Variants in GPC6 observed in about 807,000 individuals in gnomAD.
GPC6 encodes the protein glypican-6.
GPC6 carries 14 observed loss-of-function variants against 55.2 expected under a neutral mutation model. The ratio of observed to expected loss-of-function variants is 0.25; its 90% CI spans 0.17 to 0.40. GPC6 has a LOEUF of 0.40. GPC6 is among the 10% of genes least tolerant of loss of function. The probability of loss-of-function intolerance (pLI) is 1.00; values close to 1 mark genes in which losing one functional copy is unlikely to be tolerated. For missense variants in GPC6, 641 were observed against 708.5 expected, an observed-to-expected ratio of 0.90 and a Z score of 1.08; for synonymous variants, 278 against 259.6, an observed-to-expected ratio of 1.07 and a Z score of -0.68.
At chr13:93,525,087 G>A (rs1291902437) in intron 1 of GPC6, among the ~76,000 whole-genome samples, 2 of 152,052 alleles carry the variant, frequency 1.3e-5, no homozygotes, top group Admixed American at 6.6e-5. Context: ...CATGGAAGCT[G>A]CAAGCATGGC....
chr13:93,547,104 G>C (rs188703222), intron 2 of GPC6, among the ~76,000 whole-genome samples: 1,525 of 151,932 alleles, frequency 0.01, 22 homozygotes, highest in African/African-American at 0.029. Flanking sequence ...GCTGAGGCGG[G>C]TGGATCATGA....
chr13:93,464,833 T>C lies in GPC6; in HGVS notation c.161-80430T>C, dbSNP rs554605659. On this transcript the variant is annotated intron_variant, in intron 1 of 8. Coordinates refer to ENST00000377047, the MANE Select transcript of GPC6 (RefSeq NM_005708.5). ...CAGATCCATCAGAGGAATCACTATCTATGGAAGTTATAGCCTTATGAAATG... is the reference window on the plus strand; with the variant it reads ...CAGATCCATCAGAGGAATCACTATCCATGGAAGTTATAGCCTTATGAAATG... 2.0e-5 allele frequency among the ~76,000 whole-genome samples: 3 copies of C among 152,320 alleles called. No individual in the cohort carries two copies. The East Asian group carries it at 5.8e-4, about 29-fold the overall frequency.
chr13:93,231,389 A>ATATATT (rs1555336140), intron 1 of GPC6, among the ~76,000 whole-genome samples: 1 of 20,912 alleles, frequency 4.8e-5, no homozygotes, highest in Non-Finnish European at 8.9e-5. Context: ...ACATATATAT[A>ATATATT]TATATATGTA....
intron 1 of GPC6, among the ~76,000 whole-genome samples, chr13:93,365,940 T>C (rs1384226188): frequency 6.6e-6 from 1 of 152,138 alleles, no homozygotes; most frequent in Admixed American, 6.6e-5. Flanking sequence ...GAAAATATTG[T>C]TCATGTTCTA....
chr13:93,714,978 A>G (rs966934199), intron 2 of GPC6, among the ~76,000 whole-genome samples: 8 of 151,610 alleles, frequency 5.3e-5, no homozygotes, highest in Non-Finnish European at 1.5e-5. Context: ...TACTATGGAA[A>G]TACAGTATAA....
rs745423702 is a variant in GPC6, at chr13:93,552,777, T to G, written c.319+7356T>G. ...TTGCTCTATCAGACTCTGAAACCAG[T>G]TCTACCAGAAGGGTTCTTGGTAATG... is the stretch of plus-strand genomic sequence containing the variant. On this transcript the variant is annotated intron_variant, in intron 2 of 8. Coordinates refer to ENST00000377047, the MANE Select transcript of GPC6 (RefSeq NM_005708.5). Among the ~76,000 whole-genome samples the G allele has an allele frequency of 2.2e-4, 34 of 152,172 alleles. 1 individual carries two copies. In the Middle Eastern group the frequency reaches 0.01, roughly 46 times the overall value.
intron 6 of GPC6, among the ~76,000 whole-genome samples, chr13:94,374,733 T>C (rs1286635511): frequency 6.9e-6 from 1 of 145,474 alleles, no homozygotes; most frequent in Non-Finnish European, 1.5e-5. Flanking sequence ...TACAGAACTC[T>C]CCACCCCAAA....
At chr13:93,430,707 C>A (rs1455396498) in intron 1 of GPC6, among the ~76,000 whole-genome samples, 1 of 152,082 alleles carries the variant, frequency 6.6e-6, no homozygotes, top group Non-Finnish European at 1.5e-5. Context: ...CTTAAAAATC[C>A]TTCTTATTTG....
At chr13:94,278,650 T>A (rs1052086175) in intron 4 of GPC6, among the ~76,000 whole-genome samples, 13 of 152,206 alleles carry the variant, frequency 8.5e-5, no homozygotes, top group African/African-American at 3.1e-4. Flanking sequence ...CATGAAGGGA[T>A]GTTGAATTTT....
intron 2 of GPC6, among the ~76,000 whole-genome samples, chr13:93,732,473 T>C (rs1594409626): frequency 6.6e-6 from 1 of 152,158 alleles, no homozygotes; most frequent in East Asian, 1.9e-4. Flanking sequence ...AATTGAGATA[T>C]GATTAAAAAG....
In GPC6 at chr13:94,250,336, C is replaced by T. The variant is rs1177454353; in HGVS notation, c.878-36013C>T. On this transcript the variant is annotated intron_variant, in intron 4 of 8. Coordinates refer to ENST00000377047, the MANE Select transcript of GPC6 (RefSeq NM_005708.5). The stretch of plus-strand genomic sequence containing the variant: ...AGATCAAATACAGTTGTGGAAAAGG[C>T]CTTAATAGAAGGTCTGTGTAGTTTG... 3.9e-5 allele frequency among the ~76,000 whole-genome samples: 6 copies of T among 152,046 alleles called. No individual in the cohort carries two copies. The East Asian group carries it at 9.6e-4, about 24-fold the overall frequency.
chr13:93,509,184 A>C (rs1015370040), intron 1 of GPC6, among the ~76,000 whole-genome samples: 35 of 152,340 alleles, frequency 2.3e-4, no homozygotes, highest in African/African-American at 7.7e-4. Flanking sequence ...AAAGCACATC[A>C]TGCTACCAAG....
intron 4 of GPC6, among the ~76,000 whole-genome samples, chr13:94,181,324 A>G (rs1026622054): frequency 6.6e-5 from 10 of 152,150 alleles, no homozygotes; most frequent in Non-Finnish European, 1.3e-4. Flanking sequence ...GCCCAGCTGT[A>G]AAATTTCTCT....
At chr13:93,352,898 G>C (rs1880681783) in intron 1 of GPC6, among the ~76,000 whole-genome samples, 1 of 152,124 alleles carries the variant, frequency 6.6e-6, no homozygotes, top group South Asian at 2.1e-4. Context: ...AGACAATTAG[G>C]AAGCGCTTGC....
intron 3 of GPC6, among the ~76,000 whole-genome samples, chr13:93,865,971 G>C (rs1192364871): frequency 6.6e-6 from 1 of 151,622 alleles, no homozygotes. Context: ...ACCAAAATTG[G>C]TTAAGTGCCA....
At chr13:94,237,060 A>T (rs1890901149) in intron 4 of GPC6, among the ~76,000 whole-genome samples, 1 of 152,182 alleles carries the variant, frequency 6.6e-6, no homozygotes, top group Admixed American at 6.6e-5. Context: ...TTAAAAGGAC[A>T]GGAAACAAGA....
intron 1 of GPC6, among the ~76,000 whole-genome samples, chr13:93,276,750 T>C (rs1427652391): frequency 1.3e-5 from 2 of 152,068 alleles, no homozygotes; most frequent in Non-Finnish European, 2.9e-5. Context: ...ACCTGGGATG[T>C]GTGGGGCCTG....
intron 1 of GPC6, among the ~76,000 whole-genome samples, chr13:93,476,462 C>T (rs924997296): frequency 3.3e-5 from 5 of 152,096 alleles, no homozygotes; most frequent in Non-Finnish European, 5.9e-5. Flanking sequence ...CAACTTGTTT[C>T]AAATAACAAT....
chr13:93,374,450 G>A (rs1269259511), intron 1 of GPC6, among the ~76,000 whole-genome samples: 3 of 152,138 alleles, frequency 2.0e-5, no homozygotes, highest in Non-Finnish European at 4.4e-5. Context: ...CTGCAACAGA[G>A]TCTTTACCCT....
Sources: allele counts gnomAD v4.1 joint callset (sites outside exome capture counted in the v4.1 genomes callset), GRCh38; gene constraint gnomAD v4.1.1; transcripts MANE v1.5; gene names NCBI Gene and HGNC (gene_info 2026-07-23, HGNC 2026-07-21).